Variants in ESR1 observed in about 807,000 individuals in gnomAD.
ESR1 encodes estrogen receptor.
ESR1 carries 12 observed loss-of-function variants against 52.7 expected under a neutral mutation model. The ratio of observed to expected loss-of-function variants is 0.23; its 90% confidence interval spans 0.15 to 0.37. The LOEUF is 0.37. Ranked by LOEUF, ESR1 falls within the 10% of genes least tolerant of loss-of-function variation. The pLI is 1.00. For synonymous variants in ESR1, 305 were observed against 316.8 expected, an observed-to-expected ratio of 0.96 and a Z score of 0.39; for missense variants, 584 against 779.7, an observed-to-expected ratio of 0.75 and a Z score of 2.99.
At chr6:151,733,297 A>T (rs1287517015) in intron 2 of ESR1, among the ~76,000 whole-genome samples, 1 of 152,078 alleles carries the variant, frequency 6.6e-6, no homozygotes, top group Non-Finnish European at 1.5e-5. Flanking sequence ...TGGCCACCAT[A>T]CTCTATAGCA....
chr6:151,935,022 A>G lies in ESR1; in HGVS notation c.761-9151A>G, dbSNP rs114653246. On this transcript the variant is annotated intron_variant, in intron 3 of 7. Transcript: ENST00000206249. ...AGGCAGTTATGCCATGGTAATTAAA[A>G]TTATGGGCTCTGAAATCAGCCTGCC... Among the ~76,000 whole-genome samples the G allele has an allele frequency of 8.0e-3, 1,219 of 152,334 alleles. 15 individuals carry two copies. Among genetic ancestry groups the G allele is most frequent in the African/African-American group, 0.027 (1,105 of 41,590 alleles).
intron 6 of ESR1, among the ~76,000 whole-genome samples, chr6:152,115,534 G>A (rs1231934837): frequency 6.6e-6 from 1 of 152,070 alleles, no homozygotes; most frequent in Non-Finnish European, 1.5e-5. Context: ...AATAAAAAAA[G>A]GCCTTCTTAA....
intron 2 of ESR1, among the ~76,000 whole-genome samples, chr6:151,744,550 A>G (rs1340620271): frequency 2.6e-5 from 4 of 152,226 alleles, no homozygotes; most frequent in Non-Finnish European, 5.9e-5. Flanking sequence ...TTTTCCATTT[A>G]AAAATTTGAT....
rs9341031 is a variant in ESR1, at chr6:152,086,969, A to G, written c.1370-7416A>G. Reference sequence around the variant, plus strand: ...CTATGAACAAATATTTCCCAAAGCAATAATCTCTTTATTCAACTCACGTAA... The same window carrying G: ...CTATGAACAAATATTTCCCAAAGCAGTAATCTCTTTATTCAACTCACGTAA... On this transcript the variant is annotated intron_variant, in intron 6 of 7. Coordinates refer to ENST00000206249, the MANE Select transcript of ESR1 (RefSeq NM_000125.4). Among the ~76,000 whole-genome samples the G allele has an allele frequency of 2.3e-3, 347 of 152,298 alleles. 2 individuals carry two copies. The highest frequency in any genetic ancestry group is 7.8e-3 in the African/African-American group (326 of 41,578).
intron 2 of ESR1, among the ~76,000 whole-genome samples, chr6:151,763,480 CT>C (rs1173181172): frequency 6.6e-6 from 1 of 152,144 alleles, no homozygotes; most frequent in Non-Finnish European, 1.5e-5. Context: ...GTTGCTGTAA[CT>C]TTTTGATGTG....
chr6:151,704,592 A>G lies in ESR1; in HGVS notation c.-71+2587A>G, dbSNP rs532471172. On this transcript the variant is annotated intron_variant, in intron 2 of 2. Transcript: ENST00000404742. ...TCTTAACTTAAAACATAAAAGTTCC[A>G]TTTCTTTTATGGTCTACTTAGTCAT... is the stretch of plus-strand genomic sequence containing the variant. Among the ~76,000 whole-genome samples the G allele has an allele frequency of 2.3e-3, 352 of 152,254 alleles. 3 individuals carry two copies. The highest frequency in any genetic ancestry group is 9.5e-3 in the South Asian group (46 of 4,822).
rs184714733 is a variant in ESR1 at position 151,794,324 on chromosome 6, A to C, written c.-70-13519A>C. ...TCGATGACATAAATGGAAAGACTAA[A>C]AGATAAAGTTAAGAAAAATTCAGTG... On this transcript the variant is annotated intron_variant, in intron 2 of 2. Coordinates refer to the ESR1 transcript ENST00000404742. Among the ~76,000 whole-genome samples the C allele has an allele frequency of 1.4e-3, 220 of 152,300 alleles. 1 individual carries two copies. Among genetic ancestry groups the C allele is most frequent in the Non-Finnish European group, 2.2e-3 (149 of 68,028 alleles).
chr6:151,798,726 G>A (rs1485815814), intron 2 of ESR1, among the ~76,000 whole-genome samples: 1 of 151,994 alleles, frequency 6.6e-6, no homozygotes, highest in Admixed American at 6.6e-5. Context: ...AAACAAGTAG[G>A]GTTTTTTGCT....
chr6:151,830,388 C>T (rs969159663), intron 1 of ESR1, among the ~76,000 whole-genome samples: 7 of 152,142 alleles, frequency 4.6e-5, no homozygotes, highest in Non-Finnish European at 5.9e-5. Flanking sequence ...GAATGAATTT[C>T]GTAGTAATTC....
At chr6:151,735,707 G>A (rs2982556) in intron 2 of ESR1, among the ~76,000 whole-genome samples, 70,085 of 151,886 alleles carry the variant, frequency 0.46, 17,522 homozygotes, top group Non-Finnish European at 0.55. Context: ...GGATTTTATG[G>A]GCTTGTTTTT....
intron 2 of ESR1, among the ~76,000 whole-genome samples, chr6:151,711,511 G>A (rs371798560): frequency 7.9e-5 from 12 of 152,246 alleles, no homozygotes; most frequent in East Asian, 5.8e-4. Context: ...GTGAGCCACC[G>A]CACCTGGCCT....
At chr6:151,773,679 A>G (rs967329136) in intron 2 of ESR1, among the ~76,000 whole-genome samples, 4 of 152,144 alleles carry the variant, frequency 2.6e-5, no homozygotes, top group African/African-American at 7.2e-5. Context: ...TACTCCAAGG[A>G]TCTCTGTGCA....
chr6:151,862,951 T>TA lies in ESR1; in HGVS notation c.644-17695dup, dbSNP rs201261860. Among the ~76,000 whole-genome samples, 723 of 151,002 alleles carry TA rather than the reference T, an allele frequency of 4.8e-3. 2 individuals carry two copies. Among genetic ancestry groups the TA allele is most frequent in the African/African-American group, 0.016 (665 of 41,186 alleles). Reference sequence around the variant, plus strand: ...TATACAGTTCTTCTTTATGGATTATTAAAAAAAAACAGCAAATGAATACAC... The same window carrying TA: ...TATACAGTTCTTCTTTATGGATTATTAAAAAAAAAACAGCAAATGAATACAC... On this transcript the variant is annotated intron_variant, in intron 2 of 7. Transcript: ENST00000206249.
intron 4 of ESR1, among the ~76,000 whole-genome samples, chr6:151,995,131 G>C (rs749150876): frequency 3.3e-5 from 5 of 152,054 alleles, no homozygotes; most frequent in Non-Finnish European, 5.9e-5. Context: ...GCTACCTTTG[G>C]AAGCTGACAA....
intron 2 of ESR1, among the ~76,000 whole-genome samples, chr6:151,865,073 A>G (rs957387404): frequency 1.3e-5 from 2 of 152,128 alleles, no homozygotes; most frequent in Non-Finnish European, 2.9e-5. Context: ...TGTACCCTAG[A>G]ACTTAAAGTA....
At chr6:152,037,689 A>G (rs759083703) in intron 5 of ESR1, among the ~76,000 whole-genome samples, 3 of 152,176 alleles carry the variant, frequency 2.0e-5, no homozygotes, top group Non-Finnish European at 4.4e-5. Context: ...AATTATCCCT[A>G]GAACAGCTTT....
intron 2 of ESR1, among the ~76,000 whole-genome samples, chr6:151,740,516 T>G (rs953733835): frequency 2.0e-5 from 3 of 151,906 alleles, no homozygotes; most frequent in Admixed American, 2.0e-4. Context: ...ACAAAATGGC[T>G]CTCACCTCCA....
chr6:152,117,428 A>G (rs763260301), intron 6 of ESR1, among the ~76,000 whole-genome samples: 1 of 152,194 alleles, frequency 6.6e-6, no homozygotes, highest in Non-Finnish European at 1.5e-5. Flanking sequence ...TGTAGCATCA[A>G]ATCTGTGACG....
At chr6:151,960,338 C>A (rs1288538239) in intron 4 of ESR1, among the ~76,000 whole-genome samples, 6 of 152,166 alleles carry the variant, frequency 3.9e-5, no homozygotes, top group African/African-American at 1.4e-4. Flanking sequence ...TGAAAGTTGA[C>A]AGGAACTGTG....
Sources: allele counts gnomAD v4.1 joint callset (sites outside exome capture counted in the v4.1 genomes callset), GRCh38; gene constraint gnomAD v4.1.1; transcripts MANE v1.5; gene names NCBI Gene and HGNC (gene_info 2026-07-23, HGNC 2026-07-21).